The following RFC3 variants were observed in gnomAD, a reference collection of about 807,000 sequenced individuals.
RFC3 encodes the protein replication factor C subunit 3, also known as A1 38 kDa subunit.
A neutral mutation model predicts 45.1 loss-of-function variants in RFC3; 41 were observed. The ratio of observed to expected loss-of-function variants is 0.91; its 90% confidence interval spans 0.71 to 1.18. The LOEUF is 1.18. Among genes scored for constraint, RFC3 ranks in the 50% most tolerant of loss-of-function variants. The pLI is 0.00. For synonymous variants in RFC3, 149 were observed against 144.0 expected (o/e 1.03, Z -0.25); for missense variants, 423 against 428.1 (o/e 0.99, Z 0.10).
chr13:33,881,405 G>A (rs1270911194), intron 8 of RFC3, among the ~76,000 whole-genome samples: 1 of 152,144 alleles, frequency 6.6e-6, no homozygotes, highest in Non-Finnish European at 1.5e-5. Context: ...CAAAGATAAA[G>A]CACAGTACCT....
intron 8 of RFC3, among the ~76,000 whole-genome samples, chr13:33,942,160 CTTG>C (rs1242213617): frequency 6.6e-6 from 1 of 151,982 alleles, no homozygotes; most frequent in African/African-American, 2.4e-5. Context: ...GCCTGCATCA[CTTG>C]TTGGTTTGTT....
At chr13:33,886,232 C>G (rs1371280349) in intron 8 of RFC3, among the ~76,000 whole-genome samples, 1 of 152,118 alleles carries the variant, frequency 6.6e-6, no homozygotes, top group Non-Finnish European at 1.5e-5. Context: ...ACCCTAGAAC[C>G]ACTTTTTTCT....
At chr13:33,922,621 C>T (rs2082776433) in intron 8 of RFC3, among the ~76,000 whole-genome samples, 1 of 152,000 alleles carries the variant, frequency 6.6e-6, no homozygotes, top group Non-Finnish European at 1.5e-5. Context: ...AAAGTCTTGC[C>T]ATAAAACCTT....
Position 33,821,201 on chromosome 13 carries a change from A to T in RFC3, c.157A>T (p.Met53Leu), listed in dbSNP as rs2082000394. 6.2e-7 allele frequency: 1 copy of T among 1,613,462 alleles called. No homozygotes were observed. Among genetic ancestry groups the T allele is most frequent in the Non-Finnish European group, 8.5e-7 (1 of 1,179,586 alleles). The change falls in exon 2 of 9, where the codon ATG (methionine) becomes TTG (leucine). Residue 53 changes from methionine (M) to leucine (L), a missense_variant. Met to Leu is a conservative substitution (Grantham distance 15). Transcript: ENST00000380071. ...PSGAGKKTRI[M>L]CILRELYGVG... ...AGGTGCTGGAAAAAAGACAAGAATT[A>T]TGTGTATTCTACGTGAACTTTATGG...
At chr13:33,911,378 T>TTA (rs2082702874) in intron 8 of RFC3, among the ~76,000 whole-genome samples, 1 of 152,110 alleles carries the variant, frequency 6.6e-6, no homozygotes, top group Non-Finnish European at 1.5e-5. Flanking sequence ...TCTCCATGAC[T>TTA]TATACTCTTT....
Position 33,837,401 on chromosome 13 carries a change from A to G in RFC3, c.*1106A>G, listed in dbSNP as rs2082165314. The G allele has an allele frequency of 6.6e-6, 1 of 152,110 alleles. No individual in the cohort carries two copies. Among genetic ancestry groups the G allele is most frequent in the Non-Finnish European group, 1.5e-5 (1 of 68,008 alleles). 9.4% of individuals were successfully genotyped at this position (152,110 alleles called of 1,614,324 possible). A position where few individuals can be genotyped will look rare whatever the true frequency, so the allele number is the denominator to read the frequency against. On this transcript the variant is annotated 3_prime_UTR_variant, in exon 9 of 9. Transcript: ENST00000380071. ...TTTCACTAGTTAATGTTTATTGTTC[A>G]ATATTTTTGTATATACTTTTAAAGC...
chr13:33,916,186 G>T (rs1450362200), intron 8 of RFC3, among the ~76,000 whole-genome samples: 2 of 152,186 alleles, frequency 1.3e-5, no homozygotes, highest in East Asian at 1.9e-4. Flanking sequence ...TGCTTGGCTT[G>T]CAGGTGCCTG....
At chr13:33,905,965 T>C (rs1289319832) in intron 8 of RFC3, among the ~76,000 whole-genome samples, 1 of 152,118 alleles carries the variant, frequency 6.6e-6, no homozygotes, top group Non-Finnish European at 1.5e-5. Context: ...TTTTCTATGA[T>C]GTGCCATGTA....
chr13:33,893,936 C>T (rs975151631), intron 8 of RFC3, among the ~76,000 whole-genome samples: 1 of 151,960 alleles, frequency 6.6e-6, no homozygotes, highest in Admixed American at 6.6e-5. Context: ...TCAGCAAGAG[C>T]AAGGAGTAGA....
At chr13:33,820,842 T>C (rs1308185656) in intron 1 of RFC3, among the ~76,000 whole-genome samples, 4 of 151,484 alleles carry the variant, frequency 2.6e-5, no homozygotes, top group African/African-American at 9.7e-5. Context: ...GTATCTTGCA[T>C]GTGCTGTCAC....
At chr13:33,818,472 C>T (rs1038883160) in intron 1 of RFC3, among the ~76,000 whole-genome samples, 1 of 152,226 alleles carries the variant, frequency 6.6e-6, no homozygotes, top group African/African-American at 2.4e-5. Flanking sequence ...GGCATCTGAG[C>T]CGAGACTTGA....
chr13:33,939,006 AATG>A (rs1477868071), intron 8 of RFC3, among the ~76,000 whole-genome samples: 2 of 152,250 alleles, frequency 1.3e-5, no homozygotes, highest in African/African-American at 2.4e-5. Flanking sequence ...TGCTAATTAT[AATG>A]ATGATTAATA....
At chr13:33,887,850 T>C (rs968386352) in intron 8 of RFC3, among the ~76,000 whole-genome samples, 4 of 152,180 alleles carry the variant, frequency 2.6e-5, no homozygotes, top group South Asian at 2.1e-4. Context: ...TACATATGGC[T>C]AGCCAGTTTT....
chr13:33,966,058 A>G (rs772464666), intron 8 of RFC3: 10 of 1,554,068 alleles, frequency 6.4e-6, no homozygotes, highest in Non-Finnish European at 8.0e-6. Flanking sequence ...GTGATAAACA[A>G]TTGATTGGAT....
chr13:33,858,741 A>G (rs2082322500), intron 8 of RFC3, among the ~76,000 whole-genome samples: 1 of 152,210 alleles, frequency 6.6e-6, no homozygotes, highest in Non-Finnish European at 1.5e-5. Flanking sequence ...AAATATTGAG[A>G]TAGACAATTA....
intron 8 of RFC3, among the ~76,000 whole-genome samples, chr13:33,946,282 C>G (rs2082954052): frequency 6.6e-6 from 1 of 152,156 alleles, no homozygotes; most frequent in Non-Finnish European, 1.5e-5. Flanking sequence ...CCAGCTCAAC[C>G]ATTGTCAAGA....
At chr13:33,823,213 A>G (rs1284755190) in intron 2 of RFC3, among the ~76,000 whole-genome samples, 1 of 152,166 alleles carries the variant, frequency 6.6e-6, no homozygotes, top group Non-Finnish European at 1.5e-5. Context: ...TTTATGAAGC[A>G]GACTGGTCAA....
the RFC3 span, among the ~76,000 whole-genome samples, chr13:33,976,471 TTAGA>T: frequency 2.6e-5 from 4 of 152,138 alleles, no homozygotes; most frequent in East Asian, 1.9e-4. Context: ...AAAAATACAG[TTAGA>T]TAGAAGAAAC....
intron 8 of RFC3, among the ~76,000 whole-genome samples, chr13:33,881,550 C>A (rs2082484208): frequency 6.6e-6 from 1 of 151,974 alleles, no homozygotes; most frequent in South Asian, 2.1e-4. Flanking sequence ...ATTCCTTGAC[C>A]ATCTCATACT....
Sources: gnomAD v4.1 joint callset for allele counts (sites outside exome capture counted in the v4.1 genomes callset) on GRCh38, gnomAD v4.1.1 for gene constraint, MANE v1.5 for transcripts, NCBI Gene and HGNC (gene_info 2026-07-23, HGNC 2026-07-21) for gene names.